The following APBB1IP variants were observed in gnomAD, a reference collection of about 807,000 sequenced individuals.
APBB1IP encodes the protein amyloid beta precursor protein binding family B member 1 interacting protein, also known as amyloid beta A4 precursor protein-binding family B member 1-interacting protein.
In APBB1IP, 27 loss-of-function variants were observed where a neutral mutation model predicts 64.9. The observed-to-expected ratio is 0.42, with a 90% confidence interval of 0.31 to 0.57. The LOEUF is 0.57. Among genes scored for constraint, APBB1IP ranks in the 20% least tolerant of loss-of-function variants. The probability of loss-of-function intolerance (pLI) is 0.20; values close to 1 mark genes in which losing one functional copy is unlikely to be tolerated. For missense variants in APBB1IP, 812 were observed against 845.5 expected, an observed-to-expected ratio of 0.96 and a Z score of 0.49; for synonymous variants, 392 against 331.0, an observed-to-expected ratio of 1.18 and a Z score of -2.00.
At position 26,560,090 on chromosome 10, in the gene APBB1IP, ACTG is replaced by A; in HGVS notation, c.1156-12_1156-10del. ...TGACAAGTGAATACATTGTCTCGAA[ACTG>A]CTTCTTTCTAGCACCCCCAAATTCA... On this transcript the variant is annotated splice_polypyrimidine_tract_variant and intron_variant, in intron 11 of 14. Coordinates refer to ENST00000376236, the MANE Select transcript of APBB1IP (RefSeq NM_019043.4). The A allele has an allele frequency of 6.2e-7, 1 of 1,608,436 alleles. No individual in the cohort carries two copies. Among genetic ancestry groups the A allele is most frequent in the South Asian group, 1.1e-5 (1 of 90,982 alleles).
intron 8 of APBB1IP, among the ~76,000 whole-genome samples, chr10:26,526,249 G>T (rs1004825522): frequency 1.3e-5 from 2 of 152,076 alleles, no homozygotes; most frequent in East Asian, 3.9e-4. Flanking sequence ...AAAAGGAATT[G>T]GTAAAGTCAG....
At chr10:26,466,796 C>T (rs1835653544) in intron 2 of APBB1IP, among the ~76,000 whole-genome samples, 1 of 152,078 alleles carries the variant, frequency 6.6e-6, no homozygotes, top group Non-Finnish European at 1.5e-5. Context: ...ATTAGCCAGG[C>T]ATGGTGGCGC....
intron 2 of APBB1IP, among the ~76,000 whole-genome samples, chr10:26,441,757 A>G (rs568963485): frequency 1.4e-4 from 21 of 152,272 alleles, no homozygotes; most frequent in African/African-American, 4.6e-4. Context: ...GTTTTAAAAC[A>G]TTTCCTGAGC....
chr10:26,531,643 G>A (rs1305951023), intron 8 of APBB1IP, among the ~76,000 whole-genome samples: 7 of 151,592 alleles, frequency 4.6e-5, no homozygotes, highest in Non-Finnish European at 8.8e-5. Flanking sequence ...CTCCAGCCTG[G>A]GTGACAGAGC....
intron 14 of APBB1IP, among the ~76,000 whole-genome samples, chr10:26,566,034 C>T (rs1490858443): frequency 6.6e-6 from 1 of 152,192 alleles, no homozygotes; most frequent in African/African-American, 2.4e-5. Flanking sequence ...CTAAAATTAT[C>T]CTATGTGCAG....
intron 8 of APBB1IP, 69 bp from the exon 9 acceptor site, chr10:26,533,370 G>C (rs1328741804): frequency 3.4e-6 from 3 of 880,122 alleles, no homozygotes; most frequent in Non-Finnish European, 5.1e-6. Context: ...CAGCAAGACT[G>C]TGAGTTCCTT....
At chr10:26,527,558 A>AG (rs1836490688) in intron 8 of APBB1IP, among the ~76,000 whole-genome samples, 1 of 151,162 alleles carries the variant, frequency 6.6e-6, no homozygotes, top group African/African-American at 2.4e-5. Context: ...AAAAAAAAAA[A>AG]GAAAAAAATA....
At chr10:26,534,104 T>C (rs750812396) in intron 9 of APBB1IP, among the ~76,000 whole-genome samples, 2 of 151,880 alleles carry the variant, frequency 1.3e-5, no homozygotes, top group Non-Finnish European at 2.9e-5. Flanking sequence ...GTTCCAGAAG[T>C]TCATTTGACA....
chr10:26,472,569 T>TTCCA (rs1554774046), intron 2 of APBB1IP, among the ~76,000 whole-genome samples: 1 of 149,536 alleles, frequency 6.7e-6, no homozygotes, highest in South Asian at 2.1e-4. Context: ...ATCGTGTTTG[T>TTCCA]TTCATTCATT....
chr10:26,538,444 C>T (rs957190411), intron 10 of APBB1IP, among the ~76,000 whole-genome samples: 1 of 151,710 alleles, frequency 6.6e-6, no homozygotes, highest in African/African-American at 2.4e-5. Flanking sequence ...AGTTTGAGAC[C>T]AGCCTGTCCA....
At chr10:26,512,147 G>T (rs74868213) in intron 7 of APBB1IP, among the ~76,000 whole-genome samples, 2,809 of 152,280 alleles carry the variant, frequency 0.018, 24 homozygotes, top group Middle Eastern at 0.027. Context: ...TCCTTGAGAA[G>T]ACTTTGGTTC....
At chr10:26,530,429 C>T (rs1323672772) in intron 8 of APBB1IP, among the ~76,000 whole-genome samples, 2 of 152,010 alleles carry the variant, frequency 1.3e-5, no homozygotes, top group East Asian at 1.9e-4. Flanking sequence ...TGGTGGCTCA[C>T]GCATGTAATC....
intron 2 of APBB1IP, among the ~76,000 whole-genome samples, chr10:26,454,816 A>T (rs1835504521): frequency 6.6e-6 from 1 of 152,268 alleles, no homozygotes; most frequent in Non-Finnish European, 1.5e-5. Context: ...TATCCCGTAC[A>T]TATATACACC....
intron 11 of APBB1IP, among the ~76,000 whole-genome samples, chr10:26,556,790 A>AG (rs1836899939): frequency 1.3e-5 from 2 of 152,168 alleles, no homozygotes; most frequent in African/African-American, 4.8e-5. Flanking sequence ...TAAATGTCTG[A>AG]GTGGGGGGTG....
intron 2 of APBB1IP, among the ~76,000 whole-genome samples, chr10:26,465,314 A>T (rs1367598553): frequency 6.6e-6 from 1 of 152,206 alleles, no homozygotes; most frequent in Non-Finnish European, 1.5e-5. Flanking sequence ...ATGTGCTCAG[A>T]TCTTAACTAG....
chr10:26,531,896 T>C (rs183919491), intron 8 of APBB1IP, among the ~76,000 whole-genome samples: 1 of 152,186 alleles, frequency 6.6e-6, no homozygotes, highest in Admixed American at 6.5e-5. Flanking sequence ...CAGTGAGCTA[T>C]GATCATGTGA....
At chr10:26,440,342 G>C (rs1323553730) in intron 2 of APBB1IP, among the ~76,000 whole-genome samples, 1 of 152,136 alleles carries the variant, frequency 6.6e-6, no homozygotes, top group Non-Finnish European at 1.5e-5. Flanking sequence ...GTCCCAACTG[G>C]AATACTGGCA....
chr10:26,496,505 A>T (rs368860973), intron 4 of APBB1IP, 114 bp downstream of exon 4: 15 of 806,638 alleles, frequency 1.9e-5, no homozygotes, highest in South Asian at 1.3e-4. Flanking sequence ...CATGATAAAT[A>T]TTGTTAAAAT....
chr10:26,545,720 A>G (rs1267297146), intron 11 of APBB1IP, among the ~76,000 whole-genome samples: 3 of 151,284 alleles, frequency 2.0e-5, no homozygotes, highest in African/African-American at 7.3e-5. Context: ...AGATCGCGCC[A>G]CTGCACTCCA....
Sources: gnomAD v4.1 joint callset for allele counts (sites outside exome capture counted in the v4.1 genomes callset) on GRCh38, gnomAD v4.1.1 for gene constraint, MANE v1.5 for transcripts, NCBI Gene and HGNC (gene_info 2026-07-23, HGNC 2026-07-21) for gene names.